EDN3: variants seen among roughly 807,000 people sequenced by gnomAD.
EDN3 encodes the protein endothelin-3.
EDN3 carries 9 observed loss-of-function variants against 21.4 expected under a neutral mutation model. The ratio of observed to expected loss-of-function variants is 0.42; its 90% CI spans 0.25 to 0.73. The LOEUF (loss-of-function observed/expected upper bound fraction) is 0.73. EDN3 is among the 30% of genes least tolerant of loss of function. The probability of loss-of-function intolerance (pLI) is 0.26; values close to 1 mark genes in which losing one functional copy is unlikely to be tolerated. For missense variants in EDN3, 327 were observed against 309.4 expected, an observed-to-expected ratio of 1.06 and a Z score of -0.43; for synonymous variants, 133 against 126.2, an observed-to-expected ratio of 1.05 and a Z score of -0.36.
At chr20:59,311,326 G>C (rs756483134) in intron 2 of EDN3, among the ~76,000 whole-genome samples, 1 of 152,196 alleles carries the variant, frequency 6.6e-6, no homozygotes, top group African/African-American at 2.4e-5. Flanking sequence ...AGAGTAAAGC[G>C]AAAGCAAATG....
At chr20:59,321,251 C>A (rs1046383723) in intron 3 of EDN3, 58 bp downstream of exon 3, 1 of 1,581,086 alleles carries the variant, frequency 6.3e-7, no homozygotes, top group Admixed American at 1.7e-5. Flanking sequence ...CTCGGCAAGG[C>A]CAGGCCAGGG....
At position 59,315,874 on chromosome 20, in the gene EDN3, C is replaced by T. The variant is rs558940431; in HGVS notation, c.366-5143C>T. Among the ~76,000 whole-genome samples the T allele has an allele frequency of 4.6e-5, 7 of 152,220 alleles. No individual in the cohort carries two copies. In the South Asian group the frequency reaches 8.3e-4, roughly 18 times the overall value. On this transcript the variant is annotated intron_variant, in intron 2 of 4. Coordinates refer to ENST00000337938, the MANE Select transcript of EDN3 (RefSeq NM_207034.3). ...CAATTCTTCAAGAAAAGCTGGAAAT[C>T]GGGATGTTTATGTGAAATTTCCGGA...
intron 4 of EDN3, 35 bp from the exon 5 acceptor site, chr20:59,324,296 C>G: frequency 6.2e-7 from 1 of 1,603,248 alleles, no homozygotes; most frequent in Non-Finnish European, 8.5e-7. Context: ...ACATACCTTT[C>G]TTTTTTTTTC....
At position 59,305,778 on chromosome 20, in the gene EDN3, A is replaced by C. The variant is rs1419799995; in HGVS notation, c.365+4056A>C. ...GTTCGGGAACCTGTCTTTTCTGTGA[A>C]GGCCCTCAACAGATTGGATGAGGCC... On this transcript the variant is annotated intron_variant, in intron 2 of 4. Transcript: ENST00000337938. The surrounding 1 kb of genome is among the most constrained non-coding windows in gnomAD (Gnocchi z 4.2). Among the ~76,000 whole-genome samples, 1 of 152,208 alleles carries C rather than the reference A, an allele frequency of 6.6e-6. No individual in the cohort carries two copies. Among genetic ancestry groups the C allele is most frequent in the African/African-American group, 2.4e-5 (1 of 41,456 alleles).
chr20:59,320,216 G>A (rs985270126), intron 2 of EDN3, among the ~76,000 whole-genome samples: 3 of 152,206 alleles, frequency 2.0e-5, no homozygotes, highest in Non-Finnish European at 2.9e-5. Flanking sequence ...GCCCTCACCC[G>A]CCTCTCAGAG....
At chr20:59,304,879 A>G (rs1393381088) in intron 2 of EDN3, among the ~76,000 whole-genome samples, 2 of 152,074 alleles carry the variant, frequency 1.3e-5, no homozygotes, top group Non-Finnish European at 2.9e-5. Flanking sequence ...CCAGCATGGC[A>G]TGGATGCTCA....
chr20:59,314,625 A>G (rs1172407730), intron 2 of EDN3, among the ~76,000 whole-genome samples: 2 of 152,048 alleles, frequency 1.3e-5, no homozygotes, highest in South Asian at 2.1e-4. Context: ...AGTGGGTCCT[A>G]TTGGCCCAGT....
Position 59,300,644 on chromosome 20 carries a change from T to C in EDN3, c.-169T>C, listed in dbSNP as rs886165739. ...ATGGGCAGCGCGCTCTGAAAGTTTA[T>C]GACCGCCGCAGCCAACTCCTGGCCG... On this transcript the variant is annotated 5_prime_UTR_variant, in exon 1 of 5. The change abolishes an upstream ATG in the 5' untranslated region. Coordinates refer to ENST00000337938, the MANE Select transcript of EDN3 (RefSeq NM_207034.3). 3.0e-6 allele frequency: 2 copies of C among 661,718 alleles called. No homozygotes were observed. Among genetic ancestry groups the C allele is most frequent in the Non-Finnish European group, 5.1e-6 (2 of 389,996 alleles). 41.0% of individuals were successfully genotyped at this position (661,718 alleles called of 1,614,324 possible).
chr20:59,318,558 C>T (rs367558810), intron 2 of EDN3, among the ~76,000 whole-genome samples: 67 of 152,338 alleles, frequency 4.4e-4, no homozygotes, highest in African/African-American at 1.5e-3. Context: ...CCCTCACCTC[C>T]GCACGGGTCG....
chr20:59,312,096 C>A (rs966075917), intron 2 of EDN3, among the ~76,000 whole-genome samples: 2 of 152,102 alleles, frequency 1.3e-5, no homozygotes, highest in Non-Finnish European at 2.9e-5. Context: ...CCCTGTTTTC[C>A]CTCTTCTCTT....
At chr20:59,319,237 G>A (rs979306170) in intron 2 of EDN3, among the ~76,000 whole-genome samples, 4 of 151,916 alleles carry the variant, frequency 2.6e-5, no homozygotes, top group South Asian at 2.1e-4. Context: ...AAGAGTCAAC[G>A]AACAGGGTGG....
rs550692070 is a variant in EDN3, at chr20:59,322,215, C to T, written c.543-157C>T. The T allele has an allele frequency of 1.4e-5, 3 of 218,794 alleles. No individual in the cohort carries two copies. The highest frequency in any genetic ancestry group is 1.8e-4 in the East Asian group (1 of 5,456). 13.6% of individuals were successfully genotyped at this position (218,794 alleles called of 1,614,324 possible). Reference sequence around the variant, plus strand: ...TGTACTTTGGTAGAAATCCACCCACCGAGTGCTCAGCCTTCAGAAACTGTG... The same window carrying T: ...TGTACTTTGGTAGAAATCCACCCACTGAGTGCTCAGCCTTCAGAAACTGTG... On this transcript the variant is annotated intron_variant, in intron 3 of 4. Coordinates refer to ENST00000337938, the MANE Select transcript of EDN3 (RefSeq NM_207034.3). The surrounding 1 kb of genome is among the most constrained non-coding windows in gnomAD (Gnocchi z 4.1).
intron 2 of EDN3, among the ~76,000 whole-genome samples, chr20:59,312,711 G>C (rs939442048): frequency 2.0e-5 from 3 of 152,132 alleles, no homozygotes; most frequent in Non-Finnish European, 4.4e-5. Flanking sequence ...GTTAGCGCTG[G>C]GGCAAAGGTC....
intron 4 of EDN3, among the ~76,000 whole-genome samples, chr20:59,324,092 C>A (rs894559851): frequency 6.6e-6 from 1 of 152,180 alleles, no homozygotes; most frequent in Non-Finnish European, 1.5e-5. Flanking sequence ...GGCCAGGCTG[C>A]GGGAGGGCCC....
rs199781865 is a variant in EDN3, at chr20:59,324,321, C to T, written c.589-10C>T. Reference sequence around the variant, plus strand: ...CTTTTTTTTTCTTTTGCCCCCTTTCCCCAAGACAGGTTGAAGTCAAGGACC... The same window carrying T: ...CTTTTTTTTTCTTTTGCCCCCTTTCTCCAAGACAGGTTGAAGTCAAGGACC... On this transcript the variant is annotated splice_polypyrimidine_tract_variant and intron_variant, in intron 4 of 4. Transcript: ENST00000337938. 4.1e-5 allele frequency: 66 copies of T among 1,613,968 alleles called. No homozygotes were observed. The highest frequency in any genetic ancestry group is 5.3e-5 in the Non-Finnish European group (63 of 1,180,018).
chr20:59,324,356 A>G lies in EDN3; in HGVS notation c.614A>G (p.Lys205Arg). The G allele has an allele frequency of 6.2e-7, 1 of 1,614,144 alleles. No homozygotes were observed. Among genetic ancestry groups the G allele is most frequent in the African/African-American group, 1.3e-5 (1 of 75,030 alleles). The change falls in exon 5 of 5, where the codon AAG (lysine) becomes AGG (arginine). Residue 205 changes from lysine to arginine, a missense_variant. By Grantham distance (26) the Lys-to-Arg change is conservative. Transcript: ENST00000337938. ...GKVEVKDQQS[K>R]QALDLHHPKL... is the part of the protein sequence containing the mutation. ...GTTGAAGTCAAGGACCAACAAAGCAAGCAGGCTTTAGACCTCCACCATCCA... is the reference window on the plus strand; with the variant it reads ...GTTGAAGTCAAGGACCAACAAAGCAGGCAGGCTTTAGACCTCCACCATCCA...
chr20:59,301,006 G>C (rs937003723), intron 1 of EDN3, 142 bp downstream of exon 1: 1 of 1,005,824 alleles, frequency 9.9e-7, no homozygotes, highest in Non-Finnish European at 1.4e-6. Context: ...ACGCCTGGGG[G>C]AGGGCTGGGG....
chr20:59,302,902 C>A (rs1347489581), intron 2 of EDN3, among the ~76,000 whole-genome samples: 1 of 152,106 alleles, frequency 6.6e-6, no homozygotes, highest in African/African-American at 2.4e-5. Context: ...CTTGTGTCAT[C>A]GGCACCTCAA....
intron 2 of EDN3, among the ~76,000 whole-genome samples, chr20:59,304,652 T>C (rs879902010): frequency 1.3e-5 from 2 of 152,206 alleles, no homozygotes; most frequent in Non-Finnish European, 2.9e-5. Flanking sequence ...GGATCTGAGA[T>C]GCTGCAGGAG....
Sources: allele counts gnomAD v4.1 joint callset (sites outside exome capture counted in the v4.1 genomes callset), GRCh38; gene constraint gnomAD v4.1.1; non-coding constraint Gnocchi (gnomAD v3.1); transcripts MANE v1.5; gene names NCBI Gene and HGNC (gene_info 2026-07-23, HGNC 2026-07-21).